Variants in CCDC3 observed in about 807,000 individuals in gnomAD.
The protein encoded by CCDC3 is coiled-coil domain containing 3.
A neutral mutation model predicts 21.4 loss-of-function variants in CCDC3; 24 were observed. The ratio of observed to expected loss-of-function variants is 1.12; its 90% CI spans 0.81 to 1.58. The LOEUF (loss-of-function observed/expected upper bound fraction) is 1.58, where lower values mean the gene tolerates loss of function less well. Among genes scored for constraint, CCDC3 ranks in the 40% most tolerant of loss-of-function variants. The probability of loss-of-function intolerance (pLI) is 0.00; values close to 1 mark genes in which losing one functional copy is unlikely to be tolerated. For synonymous variants in CCDC3, 186 were observed against 166.0 expected (o/e 1.12, Z -0.93); for missense variants, 425 against 360.9 (o/e 1.18, Z -1.44).
intron 3 of CCDC3, among the ~76,000 whole-genome samples, chr10:13,095,700 C>T (rs1401538850): frequency 2.0e-5 from 3 of 152,074 alleles, no homozygotes. Context: ...GTTTGGGGAC[C>T]CCTGCTTTAT....
At chr10:12,957,338 G>A (rs1268804656) in intron 2 of CCDC3, among the ~76,000 whole-genome samples, 2 of 152,224 alleles carry the variant, frequency 1.3e-5, no homozygotes, top group East Asian at 3.8e-4. Flanking sequence ...CTCCTGCACT[G>A]CAGTAATACT....
At chr10:13,090,807 AG>A (rs1351391858) in intron 3 of CCDC3, among the ~76,000 whole-genome samples, 1 of 152,256 alleles carries the variant, frequency 6.6e-6, no homozygotes, top group Non-Finnish European at 1.5e-5. Context: ...GAGTTTATTA[AG>A]GAGAATTGAC....
At chr10:12,939,465 A>G (rs1834786239) in intron 2 of CCDC3, among the ~76,000 whole-genome samples, 2 of 152,324 alleles carry the variant, frequency 1.3e-5, no homozygotes, top group Non-Finnish European at 2.9e-5. Flanking sequence ...TCTACTGAAA[A>G]TACAAAAATT....
At chr10:12,902,224 C>T (rs1004543197) in intron 2 of CCDC3, among the ~76,000 whole-genome samples, 1 of 152,152 alleles carries the variant, frequency 6.6e-6, no homozygotes, top group African/African-American at 2.4e-5. Context: ...CCAATAATAC[C>T]TGTCATTTAA....
chr10:12,958,981 CA>C (rs1835137113), intron 2 of CCDC3, among the ~76,000 whole-genome samples: 1 of 152,092 alleles, frequency 6.6e-6, no homozygotes, highest in South Asian at 2.1e-4. Flanking sequence ...AATGGGTAAC[CA>C]AAGAAAAGTA....
intron 2 of CCDC3, among the ~76,000 whole-genome samples, chr10:12,938,343 A>G (rs576432314): frequency 8.1e-4 from 78 of 96,546 alleles, no homozygotes; most frequent in African/African-American, 2.2e-3. Context: ...CATTGTAGCA[A>G]TGACATCAGT....
intron 2 of CCDC3, among the ~76,000 whole-genome samples, chr10:12,904,577 A>G (rs1482964909): frequency 1.3e-5 from 2 of 149,044 alleles, no homozygotes; most frequent in Non-Finnish European, 3.0e-5. Flanking sequence ...TGGGGTGCTC[A>G]TGCATCCATG....
intron 2 of CCDC3, among the ~76,000 whole-genome samples, chr10:12,935,702 G>A (rs1834725704): frequency 6.9e-6 from 1 of 143,910 alleles, no homozygotes; most frequent in Non-Finnish European, 1.5e-5. Flanking sequence ...GTCTTGCTCT[G>A]TTGCCGAGGC....
rs541480641 is a variant in CCDC3 at position 13,064,667 on chromosome 10, T to C, written c.-270+9201A>G. On this transcript the variant is annotated intron_variant, in intron 4 of 6. Transcript: ENST00000378839. ...CGGGTATGGTGGTGGGTGCCTGTAGTCCTAGCTACTGGGGAGGCTGAGGCA... is the reference window on the plus strand; with the variant it reads ...CGGGTATGGTGGTGGGTGCCTGTAGCCCTAGCTACTGGGGAGGCTGAGGCA... Among the ~76,000 whole-genome samples, 82 of 152,232 alleles carry C rather than the reference T, an allele frequency of 5.4e-4. 2 individuals carry two copies. In the South Asian group the frequency reaches 0.012, roughly 23 times the overall value.
At chr10:12,971,031 G>C (rs976445057) in intron 2 of CCDC3, among the ~76,000 whole-genome samples, 1 of 152,184 alleles carries the variant, frequency 6.6e-6, no homozygotes, top group Non-Finnish European at 1.5e-5. Context: ...CTGATGTAAT[G>C]TCAAGGCTTA....
intron 2 of CCDC3, among the ~76,000 whole-genome samples, chr10:12,960,778 C>T (rs1042985619): frequency 3.9e-5 from 6 of 152,170 alleles, no homozygotes; most frequent in Non-Finnish European, 5.9e-5. Context: ...GCCTGAGCTC[C>T]GCCTGCCAGG....
Position 12,949,424 on chromosome 10 carries a change from T to C in CCDC3, c.549+48914A>G, listed in dbSNP as rs531301159. On this transcript the variant is annotated intron_variant, in intron 2 of 2. Transcript: ENST00000378825. ...ACGTGATATGGCTGGAGCTGCCATC[T>C]TGGACCAGGAGTTGAACTTAGCCAC... is the stretch of plus-strand genomic sequence containing the variant. Among the ~76,000 whole-genome samples, 12 of 152,348 alleles carry C rather than the reference T, an allele frequency of 7.9e-5. 1 individual carries two copies. The East Asian group carries it at 2.1e-3, about 27-fold the overall frequency.
intron 2 of CCDC3, among the ~76,000 whole-genome samples, chr10:12,940,626 G>A (rs1040131486): frequency 1.8e-4 from 27 of 152,262 alleles, no homozygotes; most frequent in African/African-American, 6.3e-4. Context: ...CAGAATAATC[G>A]TATTTACTTC....
chr10:13,041,768 G>A (rs1039078707), intron 5 of CCDC3, among the ~76,000 whole-genome samples: 18 of 151,870 alleles, frequency 1.2e-4, no homozygotes, highest in African/African-American at 3.6e-4. Context: ...GATTACAGGT[G>A]TGAACCACCA....
intron 4 of CCDC3, among the ~76,000 whole-genome samples, chr10:13,073,509 CT>C (rs373726326): frequency 6.0e-5 from 9 of 149,586 alleles, no homozygotes; most frequent in Admixed American, 4.7e-4. Flanking sequence ...TAGATGAAGA[CT>C]TTTTTTTTTG....
intron 5 of CCDC3, among the ~76,000 whole-genome samples, chr10:13,007,967 C>G (rs972946966): frequency 1.3e-5 from 2 of 152,106 alleles, no homozygotes; most frequent in Admixed American, 6.5e-5. Context: ...CTTCCTACTG[C>G]AGGTGTGAAC....
chr10:12,936,376 G>C (rs1386080304), intron 2 of CCDC3, among the ~76,000 whole-genome samples: 1 of 151,126 alleles, frequency 6.6e-6, no homozygotes, highest in Non-Finnish European at 1.5e-5. Flanking sequence ...TTCTCTTTTT[G>C]AGACAGGATC....
chr10:12,977,167 C>T (rs559695180), intron 2 of CCDC3, among the ~76,000 whole-genome samples: 1 of 152,012 alleles, frequency 6.6e-6, no homozygotes, highest in South Asian at 2.1e-4. Context: ...CCCAGCTACT[C>T]GAGAGGCTGA....
chr10:12,965,112 AT>A lies in CCDC3; in HGVS notation c.549+33225del, dbSNP rs201589195. Among the ~76,000 whole-genome samples the A allele has an allele frequency of 2.9e-3, 437 of 152,268 alleles. 4 individuals carry two copies. Among genetic ancestry groups the A allele is most frequent in the African/African-American group, 9.8e-3 (409 of 41,538 alleles). ...TCACACCCAAGGTTTGTCACAAGCTATCACTTATTCTGAGGGTCTATTCATC... is the reference window on the plus strand; with the variant it reads ...TCACACCCAAGGTTTGTCACAAGCTACACTTATTCTGAGGGTCTATTCATC... On this transcript the variant is annotated intron_variant, in intron 2 of 2. Coordinates refer to ENST00000378825, the MANE Select transcript of CCDC3 (RefSeq NM_031455.4).
Sources: allele counts gnomAD v4.1 joint callset (sites outside exome capture counted in the v4.1 genomes callset), GRCh38; gene constraint gnomAD v4.1.1; transcripts MANE v1.5; gene names NCBI Gene and HGNC (gene_info 2026-07-23, HGNC 2026-07-21).